Variants in RALGPS1 observed in about 807,000 individuals in gnomAD.
RALGPS1 encodes Ral GEF with PH domain and SH3 binding motif 1.
RALGPS1 carries 19 observed loss-of-function variants against 78.8 expected under a neutral mutation model. The observed-to-expected ratio is 0.24, with a 90% confidence interval of 0.17 to 0.35. The LOEUF (loss-of-function observed/expected upper bound fraction) is 0.35, where lower values mean the gene tolerates loss of function less well. RALGPS1 is among the 10% of genes least tolerant of loss of function. RALGPS1 has a pLI of 1.00. For missense variants in RALGPS1, 454 were observed against 688.3 expected (o/e 0.66, Z 3.81); for synonymous variants, 228 against 256.3 (o/e 0.89, Z 1.06).
chr9:127,078,639 T>TC (rs1367238057), intron 8 of RALGPS1, among the ~76,000 whole-genome samples: 1 of 152,224 alleles, frequency 6.6e-6, no homozygotes, highest in Non-Finnish European at 1.5e-5. Context: ...GAGAACCTTG[T>TC]CCCATTTGTC....
rs2062253364 is a variant in RALGPS1, at chr9:127,211,481, C to A, written c.1248-650C>A. Among the ~76,000 whole-genome samples the A allele has an allele frequency of 6.6e-6, 1 of 152,146 alleles. No individual in the cohort carries two copies. The highest frequency in any genetic ancestry group is 2.4e-5 in the African/African-American group (1 of 41,414). On this transcript the variant is annotated intron_variant, in intron 14 of 18. Coordinates refer to ENST00000259351, the MANE Select transcript of RALGPS1 (RefSeq NM_014636.3). This position sits in a 1 kb window ranked among gnomAD's most constrained non-coding sequence, Gnocchi z 5.0. ...CAGGGGCATCCGAGAGGAAGAAAAT[C>A]CCCGCTTTCTGGCTGAAGCAGCCAG...
intron 8 of RALGPS1, among the ~76,000 whole-genome samples, chr9:127,154,848 C>T (rs981569316): frequency 1.6e-4 from 25 of 152,310 alleles, no homozygotes; most frequent in Admixed American, 7.2e-4. Flanking sequence ...CTGGTGGCCT[C>T]GGACGTTTGG....
At chr9:126,981,997 G>A (rs2041287061) in intron 4 of RALGPS1, among the ~76,000 whole-genome samples, 1 of 152,126 alleles carries the variant, frequency 6.6e-6, no homozygotes, top group Admixed American at 6.5e-5. Flanking sequence ...CTGGCCGTTG[G>A]CAGGAATCCT....
chr9:127,108,779 G>A, intron 8 of RALGPS1: 1 of 1,540,336 alleles, frequency 6.5e-7, no homozygotes, highest in South Asian at 1.2e-5. Flanking sequence ...ATCTATGAAA[G>A]CCTGAAAGTA....
intron 1 of RALGPS1, among the ~76,000 whole-genome samples, chr9:126,931,022 T>A (rs1037639479): frequency 1.3e-5 from 2 of 152,184 alleles, no homozygotes; most frequent in Non-Finnish European, 2.9e-5. Flanking sequence ...GTGCAAGAAG[T>A]CAGAAGGTAA....
chr9:127,029,986 G>T (rs1437746844), intron 4 of RALGPS1, among the ~76,000 whole-genome samples: 2 of 152,182 alleles, frequency 1.3e-5, no homozygotes, highest in Non-Finnish European at 2.9e-5. Context: ...TTAAGACTAA[G>T]TTTTTTTGCA....
At chr9:127,160,508 G>T (rs1454444296) in intron 8 of RALGPS1, among the ~76,000 whole-genome samples, 4 of 152,222 alleles carry the variant, frequency 2.6e-5, no homozygotes, top group African/African-American at 9.6e-5. Flanking sequence ...CCTGTGTGGG[G>T]CATGGAAGGA....
rs200000026 is a variant in RALGPS1, at chr9:127,212,602, C to G, written c.1354-25C>G. The G allele has an allele frequency of 1.3e-4, 201 of 1,546,528 alleles. No individual in the cohort carries two copies. The highest frequency in any genetic ancestry group is 1.6e-4 in the Non-Finnish European group (183 of 1,125,342). ...CTACCCCCACGACCCCTGGTGGCATCACTCAGCCTCCCCTTCCTCTGTAGC... is the reference window on the plus strand; with the variant it reads ...CTACCCCCACGACCCCTGGTGGCATGACTCAGCCTCCCCTTCCTCTGTAGC... On this transcript the variant is annotated intron_variant, in intron 15 of 18. Coordinates refer to ENST00000259351, the MANE Select transcript of RALGPS1 (RefSeq NM_014636.3). This position sits in a 1 kb window ranked among gnomAD's most constrained non-coding sequence, Gnocchi z 6.0.
At chr9:126,930,835 C>T (rs660108) in intron 1 of RALGPS1, among the ~76,000 whole-genome samples, 4,208 of 152,160 alleles carry the variant, frequency 0.028, 52 homozygotes, top group Middle Eastern at 0.048. Flanking sequence ...TTTGAGTTGC[C>T]TACTATATAA....
At chr9:127,059,060 C>T (rs2048982010) in intron 7 of RALGPS1, among the ~76,000 whole-genome samples, 1 of 152,168 alleles carries the variant, frequency 6.6e-6, no homozygotes, top group Admixed American at 6.5e-5. Flanking sequence ...CTCTGCAATT[C>T]AGAGAATTGC....
chr9:127,196,017 A>T (rs908206009), intron 12 of RALGPS1, among the ~76,000 whole-genome samples: 2 of 152,206 alleles, frequency 1.3e-5, no homozygotes, highest in African/African-American at 4.8e-5. Flanking sequence ...CAGGCCTCTG[A>T]GGTGGGTGCT....
At chr9:126,956,838 TA>T (rs2038391329) in intron 1 of RALGPS1, among the ~76,000 whole-genome samples, 1 of 152,254 alleles carries the variant, frequency 6.6e-6, no homozygotes, top group South Asian at 2.1e-4. Flanking sequence ...TAGTAACTGA[TA>T]ATCTTGATTG....
At chr9:127,123,623 C>T (rs1448686669) in intron 8 of RALGPS1, among the ~76,000 whole-genome samples, 1 of 152,194 alleles carries the variant, frequency 6.6e-6, no homozygotes, top group Non-Finnish European at 1.5e-5. Context: ...GGAACAAACA[C>T]TGGAACTGCA....
intron 4 of RALGPS1, among the ~76,000 whole-genome samples, chr9:127,008,493 G>A (rs984279262): frequency 4.0e-5 from 6 of 151,538 alleles, no homozygotes; most frequent in Non-Finnish European, 8.8e-5. Context: ...AAACAAAACC[G>A]TCAGTAGAGG....
chr9:126,940,575 G>A (rs1256929386), intron 1 of RALGPS1, among the ~76,000 whole-genome samples: 1 of 151,956 alleles, frequency 6.6e-6, no homozygotes, highest in African/African-American at 2.4e-5. Flanking sequence ...GAGTAGCCGG[G>A]ACTACAAGCC....
chr9:127,123,662 A>G (rs2056367539), intron 8 of RALGPS1, among the ~76,000 whole-genome samples: 1 of 152,212 alleles, frequency 6.6e-6, no homozygotes. Context: ...AGCCAGCCGC[A>G]TAGGTGGAGC....
intron 1 of RALGPS1, among the ~76,000 whole-genome samples, chr9:126,944,755 G>A (rs1048356893): frequency 1.1e-4 from 17 of 152,058 alleles, no homozygotes; most frequent in African/African-American, 4.1e-4. Flanking sequence ...CTGAACTACA[G>A]ACCTTTTTCA....
At chr9:127,170,874 G>A (rs926457357) in intron 10 of RALGPS1, among the ~76,000 whole-genome samples, 1 of 152,200 alleles carries the variant, frequency 6.6e-6, no homozygotes, top group Non-Finnish European at 1.5e-5. Flanking sequence ...TCTCACCCCC[G>A]GCCCTCAGAC....
chr9:127,188,345 T>C (rs900724921), intron 11 of RALGPS1, among the ~76,000 whole-genome samples: 8 of 152,132 alleles, frequency 5.3e-5, no homozygotes, highest in African/African-American at 1.9e-4. Context: ...TGGAACCCCT[T>C]GCGGGGAAAA....
Sources: allele counts gnomAD v4.1 joint callset (sites outside exome capture counted in the v4.1 genomes callset), GRCh38; gene constraint gnomAD v4.1.1; non-coding constraint Gnocchi (gnomAD v3.1); transcripts MANE v1.5; gene names NCBI Gene and HGNC (gene_info 2026-07-23, HGNC 2026-07-21).